The following ATAD2B variants were observed in gnomAD, a reference collection of about 807,000 sequenced individuals.
The protein encoded by ATAD2B is ATPase family AAA domain containing 2B.
A neutral mutation model predicts 167.6 loss-of-function variants in ATAD2B; 40 were observed. The ratio of observed to expected loss-of-function variants is 0.24; its 90% CI spans 0.19 to 0.31. The LOEUF is 0.31. Among genes scored for constraint, ATAD2B ranks in the 10% least tolerant of loss-of-function variants. ATAD2B has a pLI of 1.00. For synonymous variants in ATAD2B, 579 were observed against 596.5 expected (o/e 0.97, Z 0.43); for missense variants, 1,242 against 1,757.2 (o/e 0.71, Z 5.24).
chr2:23,732,007 G>A, the ATAD2B span, among the ~76,000 whole-genome samples: 2 of 146,896 alleles, frequency 1.4e-5, no homozygotes, highest in South Asian at 4.2e-4. Context: ...CTCTTAATGA[G>A]ATATTTCATA....
chr2:23,705,938 C>G, the ATAD2B span, among the ~76,000 whole-genome samples: 1 of 152,170 alleles, frequency 6.6e-6, no homozygotes, highest in African/African-American at 2.4e-5. Flanking sequence ...GGGGTCCAGG[C>G]ACAGCCATCG....
chr2:23,778,219 G>A (rs575335153), intron 22 of ATAD2B, among the ~76,000 whole-genome samples: 78 of 150,628 alleles, frequency 5.2e-4, no homozygotes, highest in Non-Finnish European at 9.9e-4. Context: ...TTTTGTATCA[G>A]AACAAGTGAA....
intron 12 of ATAD2B, among the ~76,000 whole-genome samples, chr2:23,861,066 ACAC>A (rs1261914874): frequency 5.3e-5 from 8 of 152,104 alleles, no homozygotes; most frequent in Non-Finnish European, 8.8e-5. Context: ...GCAGTGGCTC[ACAC>A]CTGTAATCCC....
intron 18 of ATAD2B, among the ~76,000 whole-genome samples, chr2:23,804,842 T>G (rs1684104462): frequency 6.6e-6 from 1 of 152,104 alleles, no homozygotes; most frequent in Admixed American, 6.6e-5. Flanking sequence ...TTTCTCACTT[T>G]GAAAATATTT....
rs76704098 is a variant in ATAD2B at position 23,749,628 on chromosome 2, G to A, written c.*2418C>T. ...GCTCATTGTTCTCCCCTTGGCATTA[G>A]ATTGACTTTCTCTTTAAGACCTAAA... On this transcript the variant is annotated 3_prime_UTR_variant, in exon 28 of 28. Transcript: ENST00000238789. The A allele has an allele frequency of 1.0e-3, 152 of 152,182 alleles. No homozygotes were observed. The highest frequency in any genetic ancestry group is 3.4e-3 in the African/African-American group (142 of 41,540). 9.4% of individuals were successfully genotyped at this position (152,182 alleles called of 1,614,324 possible). A position where few individuals can be genotyped will look rare whatever the true frequency, so the allele number is the denominator to read the frequency against.
At chr2:23,808,093 TTATA>T (rs1197327308) in intron 18 of ATAD2B, among the ~76,000 whole-genome samples, 2 of 133,706 alleles carry the variant, frequency 1.5e-5, no homozygotes, top group East Asian at 2.0e-4. Flanking sequence ...ATATATATAA[TTATA>T]TATATAAGTA....
At chr2:23,908,305 C>A (rs1701783592) in intron 1 of ATAD2B, among the ~76,000 whole-genome samples, 1 of 151,998 alleles carries the variant, frequency 6.6e-6, no homozygotes, top group Non-Finnish European at 1.5e-5. Context: ...AAAAAAACAA[C>A]CCCATCAACA....
intron 13 of ATAD2B, among the ~76,000 whole-genome samples, chr2:23,836,478 CCT>C (rs1406421983): frequency 1.3e-5 from 2 of 152,166 alleles, no homozygotes; most frequent in African/African-American, 4.8e-5. Flanking sequence ...ATGTTTCAGC[CCT>C]GTTTGTATTA....
the ATAD2B span, chr2:23,703,743 C>G: frequency 1.3e-6 from 2 of 1,537,096 alleles, no homozygotes; most frequent in East Asian, 2.4e-5. Flanking sequence ...CCCGCTGTCA[C>G]GCTCAATGGC....
chr2:23,926,621 G>C lies in ATAD2B; in HGVS notation c.150C>G (p.Ala50=). Residue 50 remains alanine (A), a synonymous_variant, in exon 1 of 28, where the codon GCC becomes GCG. Coordinates refer to ENST00000238789, the MANE Select transcript of ATAD2B (RefSeq NM_017552.4). ...SSRTRSSKTR[A]ASCPAAKAGG... ...CGGCTTTGGCGGCGGGGCAGCTGGCGGCGCGGGTCTTGGAGGAGCGGGTCC... is the reference window on the plus strand; with the variant it reads ...CGGCTTTGGCGGCGGGGCAGCTGGCCGCGCGGGTCTTGGAGGAGCGGGTCC... 1 of 1,564,168 alleles carries C rather than the reference G, an allele frequency of 6.4e-7. No homozygotes were observed. Among genetic ancestry groups the C allele is most frequent in the Non-Finnish European group, 8.7e-7 (1 of 1,155,820 alleles).
At chr2:23,722,046 C>G in the ATAD2B span, among the ~76,000 whole-genome samples, 1 of 152,188 alleles carries the variant, frequency 6.6e-6, no homozygotes, top group East Asian at 1.9e-4. Context: ...CTACCTAGAA[C>G]CAAGGCCAAT....
intron 4 of ATAD2B, among the ~76,000 whole-genome samples, chr2:23,886,587 G>T (rs905059785): frequency 3.9e-5 from 6 of 151,976 alleles, no homozygotes; most frequent in Non-Finnish European, 7.4e-5. Flanking sequence ...CCAATATAAG[G>T]TTTACTGGAA....
At position 23,781,661 on chromosome 2, in the gene ATAD2B, T is replaced by C. The variant is rs144464673; in HGVS notation, c.3133+1208A>G. ...ACTGGGGCAACAGACGGAGATTCCA[T>C]CTCAAAAAAATAAAAATAAACAATA... is the stretch of plus-strand genomic sequence containing the variant. On this transcript the variant is annotated intron_variant, in intron 22 of 27. Coordinates refer to ENST00000238789, the MANE Select transcript of ATAD2B (RefSeq NM_017552.4). 3.5e-3 allele frequency among the ~76,000 whole-genome samples: 524 copies of C among 150,458 alleles called. 4 individuals are homozygous for C. The highest frequency in any genetic ancestry group is 0.012 in the African/African-American group (509 of 41,134).
At chr2:23,734,601 GAGA>G in the ATAD2B span, among the ~76,000 whole-genome samples, 14 of 152,212 alleles carry the variant, frequency 9.2e-5, no homozygotes, top group African/African-American at 1.7e-4. Flanking sequence ...TACATGGGCA[GAGA>G]AGGAGGAAGA....
intron 1 of ATAD2B, among the ~76,000 whole-genome samples, chr2:23,899,425 C>A (rs1700535110): frequency 1.3e-5 from 2 of 151,786 alleles, no homozygotes; most frequent in Non-Finnish European, 2.9e-5. Context: ...TTATAATACA[C>A]CATCACTTAT....
chr2:23,724,145 G>A, the ATAD2B span, among the ~76,000 whole-genome samples: 14 of 152,218 alleles, frequency 9.2e-5, no homozygotes, highest in South Asian at 2.9e-3. Flanking sequence ...GGAGGAATAG[G>A]GAGAGACTTG....
intron 22 of ATAD2B, among the ~76,000 whole-genome samples, chr2:23,773,590 C>A (rs1329035923): frequency 6.6e-6 from 1 of 152,168 alleles, no homozygotes; most frequent in Non-Finnish European, 1.5e-5. Flanking sequence ...TTTGTGGATT[C>A]AGAGACTCAC....
At chr2:23,892,444 G>A (rs555905359) in intron 2 of ATAD2B, among the ~76,000 whole-genome samples, 18 of 151,446 alleles carry the variant, frequency 1.2e-4, no homozygotes, top group African/African-American at 4.1e-4. Context: ...GATTACAGGC[G>A]TGAGCCACTG....
chr2:23,742,851 A>G, the ATAD2B span, among the ~76,000 whole-genome samples: 103 of 152,340 alleles, frequency 6.8e-4, no homozygotes, highest in East Asian at 6.0e-3. Context: ...AGTAGTTCTA[A>G]AAGTGAAAAA....
Sources: gnomAD v4.1 joint callset for allele counts (sites outside exome capture counted in the v4.1 genomes callset) on GRCh38, gnomAD v4.1.1 for gene constraint, MANE v1.5 for transcripts, NCBI Gene and HGNC (gene_info 2026-07-23, HGNC 2026-07-21) for gene names.